DNAH5: variants seen among roughly 807,000 people sequenced by gnomAD.
The protein encoded by DNAH5 is axonemal beta dynein heavy chain 5.
A neutral mutation model predicts 518.2 loss-of-function variants in DNAH5; 372 were observed. The ratio of observed to expected loss-of-function variants is 0.72; its 90% CI spans 0.66 to 0.78. The LOEUF is 0.78. Ranked by LOEUF, DNAH5 falls within the 30% of genes least tolerant of loss-of-function variation. DNAH5 has a pLI of 0.00. For synonymous variants in DNAH5, 2,039 were observed against 2,025.9 expected, an observed-to-expected ratio of 1.01 and a Z score of -0.17; for missense variants, 5,523 against 5,687.0, an observed-to-expected ratio of 0.97 and a Z score of 0.93.
intron 15 of DNAH5, among the ~76,000 whole-genome samples, chr5:13,897,013 G>T (rs910821209): frequency 6.6e-6 from 1 of 152,132 alleles, no homozygotes; most frequent in Non-Finnish European, 1.5e-5. Flanking sequence ...GATAAATTTT[G>T]AAAATGCTGC....
Position 13,721,014 on chromosome 5 carries a change from G to T in DNAH5, c.12265C>A (p.Gln4089Lys). ...TTCAGCCTTACGTTCGCCATGGTCT[G>T]CTGCAAGAGCTTCCGAGCATGGACT... Reference protein sequence around the residue: ...QEVHARKLLQQTMANGGWALL... With the variant: ...QEVHARKLLQKTMANGGWALL... Residue 4089 changes from glutamine (Q) to lysine (K), a missense_variant, in exon 71 of 79, where the codon CAG becomes AAG. Physicochemically the swap from Gln to Lys is moderately conservative, Grantham distance 53 (BLOSUM62 1). Around this residue, in one of 3 missense-constraint regions of DNAH5, gnomAD observed 5,121 missense variants for 5,223.3 expected, o/e 0.98. Coordinates refer to ENST00000265104, the MANE Select transcript of DNAH5 (RefSeq NM_001369.3). 6.2e-7 allele frequency: 1 copy of T among 1,614,102 alleles called. No homozygotes were observed. Among genetic ancestry groups the T allele is most frequent in the African/African-American group, 1.3e-5 (1 of 75,042 alleles).
At position 13,785,828 on chromosome 5, in the gene DNAH5, T is replaced by C. The variant is rs942115956; in HGVS notation, c.8820+351A>G. 5.9e-5 allele frequency among the ~76,000 whole-genome samples: 9 copies of C among 152,322 alleles called. 1 individual carries two copies. In the South Asian group the frequency reaches 8.3e-4, roughly 14 times the overall value. On this transcript the variant is annotated intron_variant, in intron 52 of 78. Coordinates refer to ENST00000265104, the MANE Select transcript of DNAH5 (RefSeq NM_001369.3). ...ATGTCCTCAAGGCTTATGTACTATT[T>C]TTTTATAGGATATTCTTTGCATGAT...
At chr5:13,696,716 G>T (rs915870498) in intron 78 of DNAH5, among the ~76,000 whole-genome samples, 3 of 151,960 alleles carry the variant, frequency 2.0e-5, no homozygotes, top group Non-Finnish European at 2.9e-5. Flanking sequence ...GCATGAAAGG[G>T]GTAACAGAAT....
At chr5:13,806,214 G>A (rs573163691) in intron 47 of DNAH5, among the ~76,000 whole-genome samples, 7 of 152,172 alleles carry the variant, frequency 4.6e-5, no homozygotes, top group African/African-American at 1.7e-4. Flanking sequence ...GCCAGCCTAG[G>A]GTAATTTAAT....
intron 3 of DNAH5, among the ~76,000 whole-genome samples, chr5:13,925,046 A>C (rs1228664809): frequency 6.6e-6 from 1 of 152,170 alleles, no homozygotes; most frequent in African/African-American, 2.4e-5. Flanking sequence ...AACCTCTTGG[A>C]GTAATCCTCC....
intron 31 of DNAH5, among the ~76,000 whole-genome samples, chr5:13,848,891 A>G (rs56096931): frequency 0.4 from 61,039 of 152,074 alleles, 12,452 homozygotes; most frequent in South Asian, 0.51. Context: ...AACAGGCCAC[A>G]GACTGGTGCC....
At chr5:13,778,555 A>C (rs891291246) in intron 53 of DNAH5, among the ~76,000 whole-genome samples, 11 of 62,896 alleles carry the variant, frequency 1.7e-4, no homozygotes, top group Admixed American at 1.5e-3. Context: ...AGAAAGAAAG[A>C]AAGAAAGAAA....
upstream of DNAH5, among the ~76,000 whole-genome samples, chr5:13,946,656 T>C (rs1006887241): frequency 2.0e-5 from 3 of 152,128 alleles, no homozygotes; most frequent in East Asian, 3.9e-4. Flanking sequence ...ACGAGGGAGG[T>C]CTGCAGCCCC....
intron 38 of DNAH5, among the ~76,000 whole-genome samples, chr5:13,826,395 C>G (rs1292646639): frequency 6.6e-6 from 1 of 152,174 alleles, no homozygotes; most frequent in Non-Finnish European, 1.5e-5. Flanking sequence ...CCACCCAAAT[C>G]TCATCCTGAA....
At chr5:13,940,539 G>A (rs1779361098) in intron 1 of DNAH5, among the ~76,000 whole-genome samples, 1 of 152,202 alleles carries the variant, frequency 6.6e-6, no homozygotes, top group South Asian at 2.1e-4. Flanking sequence ...TTGGAGAGCT[G>A]TAAAATACTG....
At chr5:13,989,026 C>T (rs911986853) in intron 1 of DNAH5, among the ~76,000 whole-genome samples, 10 of 151,964 alleles carry the variant, frequency 6.6e-5, no homozygotes, top group African/African-American at 2.4e-4. Flanking sequence ...CGCACCTGGC[C>T]CAAAAAGTCT....
rs1336455572 is a variant in DNAH5 at position 13,737,326 on chromosome 5, T to C, written c.11381A>G (p.Glu3794Gly). ...AGAAATTTCTAGCTTCTGTGTCACC[T>C]CCTCGGCTGTCCTTTTTGTGTTACT... Reference protein sequence around the residue: ...VLSNTKRTAEEVTQKLEISAE... With the variant: ...VLSNTKRTAEGVTQKLEISAE... The change falls in exon 66 of 79, where the codon GAG (glutamate) becomes GGG (glycine). Residue 3794 changes from glutamate (E) to glycine (G), a missense_variant. Around this residue, in one of 3 missense-constraint regions of DNAH5, gnomAD observed 5,121 missense variants for 5,223.3 expected, o/e 0.98. Coordinates refer to ENST00000265104, the MANE Select transcript of DNAH5 (RefSeq NM_001369.3). 1 of 1,614,140 alleles carries C rather than the reference T, an allele frequency of 6.2e-7. No individual in the cohort carries two copies. The highest frequency in any genetic ancestry group is 8.5e-7 in the Non-Finnish European group (1 of 1,180,008).
rs188468307 is a variant in DNAH5, at chr5:14,000,030, G to C, written c.12+11618C>G. On this transcript the variant is annotated intron_variant, in intron 1 of 78. Transcript: ENST00000681290. ...GGTTCATGCATCATAATACTGTTAC[G>C]GGTTGAACTGTGTCCCATCACAATA... 1.7e-3 allele frequency among the ~76,000 whole-genome samples: 255 copies of C among 152,294 alleles called. 1 individual carries two copies. Among genetic ancestry groups the C allele is most frequent in the African/African-American group, 5.8e-3 (239 of 41,562 alleles).
intron 19 of DNAH5, 79 bp downstream of exon 19, chr5:13,884,910 A>ACGTG (rs1772178704): frequency 3.9e-6 from 6 of 1,557,714 alleles, no homozygotes; most frequent in Non-Finnish European, 5.2e-6. Context: ...GCACGTGCAC[A>ACGTG]CGTGCACACA....
intron 41 of DNAH5, among the ~76,000 whole-genome samples, chr5:13,819,959 G>A (rs1425360808): frequency 6.6e-6 from 1 of 152,002 alleles, no homozygotes; most frequent in Non-Finnish European, 1.5e-5. Context: ...GGGAAAACTG[G>A]GCTTTTTTTA....
intron 60 of DNAH5, among the ~76,000 whole-genome samples, chr5:13,762,412 G>C (rs1751908121): frequency 6.7e-6 from 1 of 150,292 alleles, no homozygotes; most frequent in Admixed American, 6.6e-5. Context: ...AGCGTTTTTT[G>C]TTTGTTTGTT....
chr5:13,934,668 G>A (rs909264947), intron 1 of DNAH5, among the ~76,000 whole-genome samples: 21 of 152,132 alleles, frequency 1.4e-4, no homozygotes, highest in African/African-American at 3.9e-4. Flanking sequence ...AAGTAAAGAT[G>A]AAAAAGTTGG....
intron 3 of DNAH5, 48 bp from the exon 4 acceptor site, chr5:13,923,488 A>G (rs772565287): frequency 2.5e-6 from 4 of 1,607,044 alleles, no homozygotes; most frequent in Non-Finnish European, 2.6e-6. Flanking sequence ...TTTGCAGTCC[A>G]TGTGGTTCCC....
At chr5:13,807,886 A>G (rs1445111332) in intron 46 of DNAH5, among the ~76,000 whole-genome samples, 161 bp from the exon 47 acceptor site, 2 of 152,134 alleles carry the variant, frequency 1.3e-5, no homozygotes, top group South Asian at 2.1e-4. Context: ...AAGGTAAAAT[A>G]AAGCTGTTGG....
Sources: gnomAD v4.1 joint callset for allele counts (sites outside exome capture counted in the v4.1 genomes callset) on GRCh38, gnomAD v4.1.1 for gene constraint, gnomAD v4.1.1 regional missense constraint, MANE v1.5 for transcripts, NCBI Gene and HGNC (gene_info 2026-07-23, HGNC 2026-07-21) for gene names.